GSG1L: variants seen among roughly 807,000 people sequenced by gnomAD.
The protein encoded by GSG1L is germ cell-specific gene 1-like protein.
In GSG1L, 24 loss-of-function variants were observed where a neutral mutation model predicts 42.1. The observed-to-expected ratio is 0.57, with a 90% CI of 0.41 to 0.80. The LOEUF (loss-of-function observed/expected upper bound fraction) is 0.80, where lower values mean the gene tolerates loss of function less well. GSG1L is among the 30% of genes least tolerant of loss of function. The pLI is 0.00. For synonymous variants in GSG1L, 215 were observed against 203.5 expected, an observed-to-expected ratio of 1.06 and a Z score of -0.48; for missense variants, 445 against 472.2, an observed-to-expected ratio of 0.94 and a Z score of 0.53.
intron 2 of GSG1L, among the ~76,000 whole-genome samples, chr16:27,936,057 G>T (rs1156402983): frequency 6.6e-6 from 1 of 150,996 alleles, no homozygotes; most frequent in Admixed American, 6.6e-5. Flanking sequence ...CACCCTTCAG[G>T]ACCCTGCCAG....
intron 4 of GSG1L, among the ~76,000 whole-genome samples, chr16:27,840,654 C>T (rs142009953): frequency 6.6e-6 from 1 of 152,308 alleles, no homozygotes; most frequent in African/African-American, 2.4e-5. Context: ...CGGTTCATGC[C>T]TCCCCTTGAA....
chr16:27,999,818 C>A (rs898428813), intron 1 of GSG1L, among the ~76,000 whole-genome samples: 1 of 152,214 alleles, frequency 6.6e-6, no homozygotes, highest in African/African-American at 2.4e-5. Context: ...TATGGTGTAG[C>A]TGCACCACAG....
chr16:27,898,852 A>G (rs916051882), intron 2 of GSG1L, among the ~76,000 whole-genome samples: 7 of 152,240 alleles, frequency 4.6e-5, no homozygotes, highest in African/African-American at 1.7e-4. Flanking sequence ...TTTTGAAAAC[A>G]TGGAAGACCA....
intron 2 of GSG1L, among the ~76,000 whole-genome samples, chr16:27,885,609 C>G (rs2084018108): frequency 6.6e-6 from 1 of 152,250 alleles, no homozygotes; most frequent in South Asian, 2.1e-4. Flanking sequence ...CAGCCATGTT[C>G]TGGTGAGGTC....
chr16:27,891,119 G>A (rs1709768), intron 2 of GSG1L, among the ~76,000 whole-genome samples: 5 of 151,904 alleles, frequency 3.3e-5, no homozygotes, highest in African/African-American at 7.3e-5. Flanking sequence ...AGAAGCAGCC[G>A]TCCCCCCGTG....
At chr16:27,879,886 C>T (rs1470537892) in intron 3 of GSG1L, among the ~76,000 whole-genome samples, 3 of 146,850 alleles carry the variant, frequency 2.0e-5, no homozygotes, top group Non-Finnish European at 3.0e-5. Flanking sequence ...CAAATGGTTT[C>T]GCTCTGGGGT....
In GSG1L at chr16:27,840,032, CTTTTTTT is replaced by C. The variant is rs11329489; in HGVS notation, c.662+4911_662+4917del. ...ACAAAGTAGGTGTAGTAACCTTAAT[CTTTTTTT>C]TTTTTTTTTTTTTTGAGACAGAACC... On this transcript the variant is annotated intron_variant, in intron 4 of 6. Coordinates refer to ENST00000447459, the MANE Select transcript of GSG1L (RefSeq NM_001109763.2). Among the ~76,000 whole-genome samples, 4 of 129,760 alleles carry C rather than the reference CTTTTTTT, an allele frequency of 3.1e-5. 1 individual carries two copies. The highest frequency in any genetic ancestry group is 1.2e-4 in the African/African-American group (4 of 34,380). The allele number at this position is 129,760 out of a possible 152,430, so 85.1% of individuals were successfully genotyped here.
intron 1 of GSG1L, among the ~76,000 whole-genome samples, chr16:28,034,764 A>T (rs1016338148): frequency 3.9e-5 from 6 of 152,224 alleles, no homozygotes; most frequent in African/African-American, 7.2e-5. Flanking sequence ...ATTTAGCGGC[A>T]TCCAGGGCCT....
At chr16:27,843,404 C>A (rs2083409451) in intron 4 of GSG1L, among the ~76,000 whole-genome samples, 1 of 148,836 alleles carries the variant, frequency 6.7e-6, no homozygotes, top group Non-Finnish European at 1.5e-5. Context: ...AGGATTTTAG[C>A]TGGAAATATG....
At chr16:27,869,367 C>T (rs537924693) in intron 3 of GSG1L, among the ~76,000 whole-genome samples, 21 of 151,684 alleles carry the variant, frequency 1.4e-4, no homozygotes, top group Admixed American at 6.5e-4. Flanking sequence ...CAGTAAATGT[C>T]GGCCCATTTG....
chr16:27,817,451 C>G (rs959530502), intron 5 of GSG1L, among the ~76,000 whole-genome samples: 1 of 152,226 alleles, frequency 6.6e-6, no homozygotes, highest in Non-Finnish European at 1.5e-5. Context: ...GCTTCTGCAA[C>G]TATCTGTAAT....
intron 5 of GSG1L, among the ~76,000 whole-genome samples, chr16:27,814,472 C>G (rs1487072285): frequency 6.6e-6 from 1 of 152,124 alleles, no homozygotes; most frequent in Non-Finnish European, 1.5e-5. Flanking sequence ...ATGCTTGTAG[C>G]CTCAGGGTCT....
At chr16:27,871,590 C>T (rs1044424096) in intron 3 of GSG1L, among the ~76,000 whole-genome samples, 1 of 152,112 alleles carries the variant, frequency 6.6e-6, no homozygotes, top group Admixed American at 6.5e-5. Flanking sequence ...AGTGAGCCCC[C>T]TGATTGTGCT....
intron 1 of GSG1L, among the ~76,000 whole-genome samples, chr16:28,006,021 C>T (rs2085633178): frequency 6.6e-6 from 1 of 152,158 alleles, no homozygotes; most frequent in African/African-American, 2.4e-5. Flanking sequence ...CCTTCCCCAG[C>T]TGCAGGAAGA....
chr16:27,852,417 TG>T (rs2083525640), intron 3 of GSG1L, among the ~76,000 whole-genome samples: 2 of 151,708 alleles, frequency 1.3e-5, no homozygotes, highest in Admixed American at 1.3e-4. Flanking sequence ...ACACACAGGC[TG>T]GGCACCTCTC....
intron 3 of GSG1L, among the ~76,000 whole-genome samples, chr16:27,865,254 C>T (rs1212704154): frequency 6.6e-6 from 1 of 152,138 alleles, no homozygotes; most frequent in African/African-American, 2.4e-5. Context: ...CCTCTGGCAC[C>T]CAACTCCTGA....
At chr16:27,961,866 G>A (rs2085076141) in intron 2 of GSG1L, among the ~76,000 whole-genome samples, 1 of 152,130 alleles carries the variant, frequency 6.6e-6, no homozygotes, top group Non-Finnish European at 1.5e-5. Context: ...TGGGAACTGA[G>A]GGCCCGGTGG....
At chr16:27,984,783 C>T (rs1211311032) in intron 1 of GSG1L, among the ~76,000 whole-genome samples, 2 of 151,514 alleles carry the variant, frequency 1.3e-5, no homozygotes, top group Admixed American at 6.6e-5. Flanking sequence ...TTGGAGACAG[C>T]ATCTTGCTCT....
At chr16:27,835,171 C>T (rs760268531) in intron 4 of GSG1L, among the ~76,000 whole-genome samples, 2 of 152,086 alleles carry the variant, frequency 1.3e-5, no homozygotes, top group Non-Finnish European at 2.9e-5. Context: ...TTTTCCTTTA[C>T]AGATTTTCAG....
Sources: allele counts gnomAD v4.1 joint callset (sites outside exome capture counted in the v4.1 genomes callset), GRCh38; gene constraint gnomAD v4.1.1; transcripts MANE v1.5; gene names NCBI Gene and HGNC (gene_info 2026-07-23, HGNC 2026-07-21).